Variants in ZDHHC15 observed in about 807,000 individuals in gnomAD.
The protein encoded by ZDHHC15 is zDHHC palmitoyltransferase 15.
In ZDHHC15, 19 loss-of-function variants were observed where a neutral mutation model predicts 31.7. The observed-to-expected ratio is 0.60, with a 90% confidence interval of 0.42 to 0.88. ZDHHC15 has a LOEUF of 0.88. ZDHHC15 is among the 40% of genes least tolerant of loss of function. The probability of loss-of-function intolerance (pLI) is 0.00; values close to 1 mark genes in which losing one functional copy is unlikely to be tolerated. For synonymous variants in ZDHHC15, 103 were observed against 90.0 expected (o/e 1.14, Z -0.82); for missense variants, 209 against 251.2 (o/e 0.83, Z 1.14).
chrX:75,482,187 G>A (rs2147986574), intron 2 of ZDHHC15, among the ~76,000 whole-genome samples: 1 of 110,929 alleles, frequency 9.0e-6, no homozygotes, highest in East Asian at 2.9e-4. Flanking sequence ...TTACTATTTG[G>A]GTGATGGGCT....
At chrX:75,398,259 A>G (rs1403428339) in intron 10 of ZDHHC15, among the ~76,000 whole-genome samples, 1 of 112,351 alleles carries the variant, frequency 8.9e-6, no homozygotes, top group Non-Finnish European at 1.9e-5. Flanking sequence ...TCCAGCCTTC[A>G]GGCTTTGAGA....
chrX:75,484,432 G>C (rs964314861), intron 2 of ZDHHC15, among the ~76,000 whole-genome samples: 4 of 111,851 alleles, frequency 3.6e-5, no homozygotes, highest in African/African-American at 1.3e-4. Context: ...ATATACAGAT[G>C]GCAAACAAGC....
chrX:75,484,727 G>A (rs2084749950), intron 2 of ZDHHC15, among the ~76,000 whole-genome samples: 1 of 111,702 alleles, frequency 9.0e-6, no homozygotes, highest in Non-Finnish European at 1.9e-5. Flanking sequence ...ATTTACTCAA[G>A]AGAAACAAAA....
In ZDHHC15 at chrX:75,403,319, C is replaced by A. The variant is rs183653841; in HGVS notation, c.967+13768G>T. On this transcript the variant is annotated intron_variant, in intron 10 of 11. Transcript: ENST00000373367. ...GAAGCATTCTCCTTGAAAACCGGCACAAGACAAGGTTGTCCTCTCTCATCC... is the reference window on the plus strand; with the variant it reads ...GAAGCATTCTCCTTGAAAACCGGCAAAAGACAAGGTTGTCCTCTCTCATCC... Among the ~76,000 whole-genome samples the A allele has an allele frequency of 3.6e-3, 401 of 111,976 alleles. 1 individual carries two copies. Among genetic ancestry groups the A allele is most frequent in the African/African-American group, 0.012 (382 of 30,848 alleles).
intron 4 of ZDHHC15, among the ~76,000 whole-genome samples, chrX:75,433,397 G>A (rs1014130824): frequency 9.0e-6 from 1 of 110,638 alleles, no homozygotes; most frequent in Non-Finnish European, 1.9e-5. Context: ...CGTAAACACT[G>A]TACCCAGCAT....
intron 1 of ZDHHC15, among the ~76,000 whole-genome samples, chrX:75,508,757 C>T (rs2148054163): frequency 9.0e-6 from 1 of 111,012 alleles, no homozygotes; most frequent in South Asian, 3.8e-4. Context: ...AGTTTCCAGT[C>T]CCACCAACAG....
intron 10 of ZDHHC15, among the ~76,000 whole-genome samples, chrX:75,410,321 G>T (rs1235445288): frequency 9.3e-6 from 1 of 107,257 alleles, no homozygotes; most frequent in Non-Finnish European, 1.9e-5. Context: ...TCTGACAAAG[G>T]ATTTATAACC....
At chrX:75,516,989 C>T (rs1273268915) in intron 1 of ZDHHC15, among the ~76,000 whole-genome samples, 1 of 112,261 alleles carries the variant, frequency 8.9e-6, no homozygotes, top group African/African-American at 3.2e-5. Flanking sequence ...TGAAAAAATG[C>T]TCATCATCAC....
In ZDHHC15 at chrX:75,372,061, C is replaced by A. The variant is rs1473094612; in HGVS notation, c.*917G>T. Reference sequence around the variant, plus strand: ...TTAAACCTGAAAATCACTCTGAAAACCCTTAACAAAACCTATGGGCCATAA... The same window carrying A: ...TTAAACCTGAAAATCACTCTGAAAAACCTTAACAAAACCTATGGGCCATAA... On this transcript the variant is annotated 3_prime_UTR_variant, in exon 12 of 12. Coordinates refer to ENST00000373367, the MANE Select transcript of ZDHHC15 (RefSeq NM_144969.3). 9.0e-6 allele frequency: 1 copy of A among 111,666 alleles called. No homozygotes were observed. Among genetic ancestry groups the A allele is most frequent in the Non-Finnish European group, 1.9e-5 (1 of 53,114 alleles). 9.2% of individuals were successfully genotyped at this position (111,666 alleles called of 1,213,427 possible).
At chrX:75,431,605 T>A in intron 4 of ZDHHC15, 85 bp from the exon 5 acceptor site, 2 of 813,848 alleles carry the variant, frequency 2.5e-6, no homozygotes, top group Non-Finnish European at 1.7e-6. Flanking sequence ...GGATGACTTG[T>A]TATGCACTGA....
intron 10 of ZDHHC15, among the ~76,000 whole-genome samples, chrX:75,396,061 A>C (rs1407389407): frequency 8.9e-6 from 1 of 112,263 alleles, no homozygotes; most frequent in African/African-American, 3.2e-5. Flanking sequence ...ACTTTTGGGG[A>C]AATTCTTCAG....
intron 4 of ZDHHC15, among the ~76,000 whole-genome samples, chrX:75,439,228 G>GT (rs933294809): frequency 2.7e-5 from 3 of 111,374 alleles, no homozygotes; most frequent in African/African-American, 3.3e-5. Flanking sequence ...ATTTTCCTCG[G>GT]TTTTTCCCCC....
At chrX:75,463,342 A>G (rs1217303863) in intron 3 of ZDHHC15, among the ~76,000 whole-genome samples, 1 of 111,204 alleles carries the variant, frequency 9.0e-6, no homozygotes, top group African/African-American at 3.3e-5. Context: ...AAAAGCTGGT[A>G]TCATTTCTAC....
At chrX:75,485,297 CA>C (rs935276023) in intron 2 of ZDHHC15, among the ~76,000 whole-genome samples, 1 of 109,394 alleles carries the variant, frequency 9.1e-6, no homozygotes, top group African/African-American at 3.3e-5. Flanking sequence ...TGACATTTGG[CA>C]AAAAAAAGAT....
intron 10 of ZDHHC15, among the ~76,000 whole-genome samples, chrX:75,395,613 T>C (rs957174439): frequency 1.8e-5 from 2 of 111,990 alleles, no homozygotes; most frequent in Admixed American, 1.9e-4. Flanking sequence ...ATGTCCATAC[T>C]ACCCAAAGCA....
intron 8 of ZDHHC15, among the ~76,000 whole-genome samples, chrX:75,422,253 G>A (rs1056167847): frequency 4.5e-5 from 5 of 111,614 alleles, no homozygotes; most frequent in African/African-American, 1.6e-4. Context: ...ACACATGGTG[G>A]CAGAAATAAT....
rs748968372 is a variant in ZDHHC15 at position 75,482,694 on chromosome X, AG to A, written c.164-3710del. On this transcript the variant is annotated intron_variant, in intron 2 of 11. Transcript: ENST00000373367. ...ATTGTTAAGTTTCAAAGAGCTTTCT[AG>A]TACTCATGTATTGGAATTTGGTGAA... 1.3e-4 allele frequency among the ~76,000 whole-genome samples: 14 copies of A among 111,588 alleles called. No homozygotes were observed. In the East Asian group the frequency reaches 3.7e-3, roughly 29 times the overall value.
At chrX:75,480,559 C>A (rs1452523487) in intron 2 of ZDHHC15, among the ~76,000 whole-genome samples, 1 of 111,214 alleles carries the variant, frequency 9.0e-6, no homozygotes, top group African/African-American at 3.3e-5. Context: ...CAGTTCTCCT[C>A]GCTGGAAGCA....
chrX:75,440,538 C>T (rs190446163), intron 4 of ZDHHC15, among the ~76,000 whole-genome samples: 9 of 112,659 alleles, frequency 8.0e-5, no homozygotes, highest in Non-Finnish European at 1.1e-4. Flanking sequence ...CCCGGCCTCC[C>T]GAAGTGCTGG....
Sources: allele counts gnomAD v4.1 joint callset (sites outside exome capture counted in the v4.1 genomes callset), GRCh38; gene constraint gnomAD v4.1.1; transcripts MANE v1.5; gene names NCBI Gene and HGNC (gene_info 2026-07-23, HGNC 2026-07-21).